The following RASAL2 variants were observed in gnomAD, a reference collection of about 807,000 sequenced individuals.
RASAL2 encodes RAS protein activator like 2.
RASAL2 carries 58 observed loss-of-function variants against 128.9 expected under a neutral mutation model. The ratio of observed to expected loss-of-function variants is 0.45; its 90% CI spans 0.36 to 0.56. The LOEUF (loss-of-function observed/expected upper bound fraction) is 0.56. RASAL2 is among the 20% of genes least tolerant of loss of function. The pLI is 0.00. For missense variants in RASAL2, 1,360 were observed against 1,601.6 expected (o/e 0.85, Z 2.57); for synonymous variants, 561 against 580.8 (o/e 0.97, Z 0.49).
chr1:178,118,556 A>G (rs1472076324), intron 1 of RASAL2, among the ~76,000 whole-genome samples: 1 of 152,220 alleles, frequency 6.6e-6, no homozygotes, highest in Non-Finnish European at 1.5e-5. Flanking sequence ...TTGTGGATCT[A>G]TTCCTTTCCA....
intron 3 of RASAL2, among the ~76,000 whole-genome samples, chr1:178,302,471 G>C (rs1041033442): frequency 6.6e-6 from 1 of 152,090 alleles, no homozygotes; most frequent in African/African-American, 2.4e-5. Flanking sequence ...TCTACATAGA[G>C]AACTTTAAAA....
chr1:178,337,260 C>T (rs1220884652), intron 3 of RASAL2, among the ~76,000 whole-genome samples: 1 of 152,166 alleles, frequency 6.6e-6, no homozygotes, highest in Non-Finnish European at 1.5e-5. Flanking sequence ...GTCTTCTGAT[C>T]TTCATAATGC....
At chr1:178,108,942 C>T (rs931436753) in intron 1 of RASAL2, among the ~76,000 whole-genome samples, 1 of 152,166 alleles carries the variant, frequency 6.6e-6, no homozygotes. Context: ...TGTTAGCTCT[C>T]TAAAATTCAT....
intron 1 of RASAL2, among the ~76,000 whole-genome samples, chr1:178,217,441 A>G (rs990861041): frequency 1.3e-5 from 2 of 152,188 alleles, no homozygotes; most frequent in Admixed American, 6.5e-5. Flanking sequence ...TCAACACATC[A>G]TCACCACCCA....
intron 1 of RASAL2, among the ~76,000 whole-genome samples, chr1:178,128,362 C>T (rs940331197): frequency 5.3e-5 from 8 of 151,936 alleles, no homozygotes; most frequent in African/African-American, 1.9e-4. Context: ...GTCTCAGTTC[C>T]CTGGTTTGTG....
At chr1:178,339,642 G>A (rs1250367718) in intron 3 of RASAL2, among the ~76,000 whole-genome samples, 3 of 152,098 alleles carry the variant, frequency 2.0e-5, no homozygotes, top group Non-Finnish European at 2.9e-5. Flanking sequence ...TTTTGGATAG[G>A]TGAGGCCACT....
intron 5 of RASAL2, among the ~76,000 whole-genome samples, chr1:178,427,847 A>G (rs1397891438): frequency 1.3e-5 from 2 of 152,084 alleles, no homozygotes; most frequent in Non-Finnish European, 1.5e-5. Flanking sequence ...TAGTGTAACT[A>G]CTACCATGAT....
In RASAL2 at chr1:178,094,524, C is replaced by T; in HGVS notation, c.32C>T (p.Ala11Val). 1.3e-6 allele frequency: 2 copies of T among 1,571,036 alleles called. No homozygotes were observed. The highest frequency in any genetic ancestry group is 1.7e-6 in the Non-Finnish European group (2 of 1,159,030). The change falls in exon 1 of 18, where the codon GCG becomes GTG. Residue 11 changes from alanine to valine, a missense_variant. Ala to Val is a moderately conservative substitution (Grantham distance 64). This residue lies in a region of RASAL2 where 617 missense variants were observed against 714.2 expected (regional missense o/e 0.86). Transcript: ENST00000367649. ...CTCTCTCCGTCGTCCGGAGGAGCCG[C>T]GGAGGCGCTGTCCTGGCCGGAGATG... MELSPSSGGA[A>V]EALSWPEMFP...
At chr1:178,291,372 T>G (rs1289971188) in intron 2 of RASAL2, among the ~76,000 whole-genome samples, 2 of 152,144 alleles carry the variant, frequency 1.3e-5, no homozygotes, top group East Asian at 3.8e-4. Context: ...CATCATCAGA[T>G]TTGCTTCTTA....
In RASAL2 at chr1:178,285,183, C is replaced by T. The variant is rs796236748; in HGVS notation, c.330+1492C>T. Reference sequence around the variant, plus strand: ...GGCCGGACTGTGGACTGCAGTGGCACAATCTCGGCTCACTGCAAGCTCCGC... The same window carrying T: ...GGCCGGACTGTGGACTGCAGTGGCATAATCTCGGCTCACTGCAAGCTCCGC... On this transcript the variant is annotated intron_variant, in intron 2 of 17. Transcript: ENST00000367649. Among the ~76,000 whole-genome samples the T allele has an allele frequency of 2.9e-5, 4 of 136,288 alleles. No homozygotes were observed. The East Asian group carries it at 6.9e-4, about 24-fold the overall frequency. 89.4% of individuals were successfully genotyped at this position (136,288 alleles called of 152,430 possible).
intron 3 of RASAL2, among the ~76,000 whole-genome samples, chr1:178,347,537 A>T (rs1379384335): frequency 6.6e-6 from 1 of 152,224 alleles, no homozygotes; most frequent in African/African-American, 2.4e-5. Context: ...GGTAATCCAG[A>T]TGACCATTTA....
At chr1:178,200,269 C>G (rs907019550) in intron 1 of RASAL2, among the ~76,000 whole-genome samples, 5 of 151,954 alleles carry the variant, frequency 3.3e-5, no homozygotes, top group African/African-American at 7.3e-5. Flanking sequence ...ACGAATAGAC[C>G]CCAAAATGCT....
rs771156356 is a variant in RASAL2, at chr1:178,442,742, A to G, written c.995A>G (p.Lys332Arg). The G allele has an allele frequency of 2.5e-6, 4 of 1,613,764 alleles. No individual in the cohort carries two copies. In the African/African-American group the frequency reaches 5.3e-5, roughly 22 times the overall value. The change falls in exon 8 of 18, where the codon AAA becomes AGA. Residue 332 changes from lysine (K) to arginine (R), a missense_variant. By Grantham distance (26) the Lys-to-Arg change is conservative. Around this residue, in one of 3 missense-constraint regions of RASAL2, gnomAD observed 617 missense variants for 714.2 expected, o/e 0.86. Transcript: ENST00000367649. ...ATTGAAGCCAAGGACCTTGCCCCTA[A>G]AAAGAAATATTTCTGCGAACTGTGC... ...WIIEAKDLAP[K>R]KKYFCELCLD... is the part of the protein sequence containing the mutation.
intron 14 of RASAL2, among the ~76,000 whole-genome samples, chr1:178,459,628 A>G (rs1309158063): frequency 6.6e-6 from 1 of 152,160 alleles, no homozygotes; most frequent in Non-Finnish European, 1.5e-5. Flanking sequence ...CTATGATCAG[A>G]GCCCCTTGCA....
intron 2 of RASAL2, among the ~76,000 whole-genome samples, chr1:178,289,056 A>G (rs1173714642): frequency 6.6e-6 from 1 of 152,010 alleles, no homozygotes; most frequent in Non-Finnish European, 1.5e-5. Context: ...CAAAACTTCT[A>G]TGCTCATTGT....
At chr1:178,190,573 G>A (rs1394482867) in intron 1 of RASAL2, among the ~76,000 whole-genome samples, 1 of 152,108 alleles carries the variant, frequency 6.6e-6, no homozygotes, top group Non-Finnish European at 1.5e-5. Context: ...TGACAGGAAG[G>A]AATCTATCTA....
intron 1 of RASAL2, among the ~76,000 whole-genome samples, chr1:178,163,096 G>A (rs779394965): frequency 6.6e-6 from 1 of 151,408 alleles, no homozygotes; most frequent in East Asian, 2.0e-4. Context: ...TCAGCCTCCC[G>A]AGTAGCTGGG....
At position 178,442,915 on chromosome 1, in the gene RASAL2, G is replaced by A. The variant is rs769034614; in HGVS notation, c.1168G>A (p.Asp390Asn). 21 of 1,613,712 alleles carry A rather than the reference G, an allele frequency of 1.3e-5. No homozygotes were observed. Among genetic ancestry groups the A allele is most frequent in the Admixed American group, 6.7e-5 (4 of 59,890 alleles). ...GGATGTGGAAAAAAAGAAAAAAAAG[G>A]ACAAGAATAATTATGTAGGGCTAGT... ...YKDVEKKKKK[D>N]KNNYVGLVNI... The change falls in exon 8 of 18, where the codon GAC (aspartate) becomes AAC (asparagine). Residue 390 changes from aspartate to asparagine, a missense_variant. Around this residue, in one of 3 missense-constraint regions of RASAL2, gnomAD observed 617 missense variants for 714.2 expected, o/e 0.86. Coordinates refer to ENST00000367649, the MANE Select transcript of RASAL2 (RefSeq NM_170692.4).
intron 4 of RASAL2, among the ~76,000 whole-genome samples, chr1:178,398,728 G>A (rs1370693472): frequency 6.6e-6 from 1 of 152,032 alleles, no homozygotes; most frequent in East Asian, 1.9e-4. Context: ...TCTCTTTGTA[G>A]TGCTGCACAT....
Sources: allele counts gnomAD v4.1 joint callset (sites outside exome capture counted in the v4.1 genomes callset), GRCh38; gene constraint gnomAD v4.1.1; regional missense constraint gnomAD v4.1.1; transcripts MANE v1.5; gene names NCBI Gene and HGNC (gene_info 2026-07-23, HGNC 2026-07-21).